Variants in ETS2 observed in about 807,000 individuals in gnomAD.
ETS2 encodes the protein protein C-ets-2.
A neutral mutation model predicts 54.9 loss-of-function variants in ETS2; 19 were observed. The observed-to-expected ratio is 0.35, with a 90% CI of 0.24 to 0.51. The LOEUF is 0.51. Among genes scored for constraint, ETS2 ranks in the 20% least tolerant of loss-of-function variants. The probability of loss-of-function intolerance (pLI) is 0.97; values close to 1 mark genes in which losing one functional copy is unlikely to be tolerated. For missense variants in ETS2, 417 were observed against 593.0 expected, an observed-to-expected ratio of 0.70 and a Z score of 3.08; for synonymous variants, 219 against 229.3, an observed-to-expected ratio of 0.95 and a Z score of 0.41.
At chr21:38,822,002 A>G (rs1477007927) in intron 9 of ETS2, among the ~76,000 whole-genome samples, 1 of 152,174 alleles carries the variant, frequency 6.6e-6, no homozygotes, top group South Asian at 2.1e-4. Context: ...ACCATCTGAA[A>G]ATGCCTTAGG....
chr21:38,805,626 G>A, upstream of ETS2: 1 of 1,241,990 alleles, frequency 8.1e-7, no homozygotes, highest in Non-Finnish European at 1.0e-6. The surrounding 1 kb of genome is among the most constrained non-coding windows in gnomAD (Gnocchi z 5.2). Context: ...GGTTGGGCCG[G>A]AAGGTGTCAG....
At position 38,806,455 on chromosome 21, in the gene ETS2, C is replaced by T. The variant is rs994338512; in HGVS notation, c.-1+335C>T. On this transcript the variant is annotated intron_variant, in intron 1 of 9. Transcript: ENST00000360938. This position sits in a 1 kb window ranked among gnomAD's most constrained non-coding sequence, Gnocchi z 4.3. ...GCTCGCTTTTGTTTTTAAAAGGAAA[C>T]GCAGGCCTGGTAGGGGGTCCTGCCC... The T allele has an allele frequency of 5.3e-5, 52 of 985,356 alleles. No individual in the cohort carries two copies. Among genetic ancestry groups the T allele is most frequent in the Non-Finnish European group, 5.9e-5 (49 of 830,072 alleles). 61.0% of individuals were successfully genotyped at this position (985,356 alleles called of 1,614,324 possible).
At chr21:38,813,156 C>CTT in intron 3 of ETS2, 42 bp downstream of exon 3, 1 of 1,239,928 alleles carries the variant, frequency 8.1e-7, no homozygotes, top group Non-Finnish European at 1.2e-6. Context: ...CATGATTTTC[C>CTT]TAAGTAGTTC....
chr21:38,819,127 C>T lies in ETS2; in HGVS notation c.812-376C>T, dbSNP rs543614461. On this transcript the variant is annotated intron_variant, in intron 7 of 9. Coordinates refer to ENST00000360938, the MANE Select transcript of ETS2 (RefSeq NM_005239.6). ...GGAACGATTCTGACTTTTATCATTA[C>T]GGATTAGGTTTTGATTTTCTTGAAC... Among the ~76,000 whole-genome samples, 40 of 152,252 alleles carry T rather than the reference C, an allele frequency of 2.6e-4. No individual in the cohort carries two copies. In the South Asian group the frequency reaches 5.8e-3, roughly 22 times the overall value.
upstream of ETS2, chr21:38,805,575 G>C (rs368186095): frequency 3.1e-6 from 4 of 1,278,092 alleles, no homozygotes; most frequent in South Asian, 1.2e-5. This position sits in a 1 kb window ranked among gnomAD's most constrained non-coding sequence, Gnocchi z 5.2. Context: ...AGGGCCAGCC[G>C]GCGAGGGACC....
At chr21:38,808,207 C>T (rs1220051286) in intron 1 of ETS2, among the ~76,000 whole-genome samples, 1 of 152,152 alleles carries the variant, frequency 6.6e-6, no homozygotes, top group Non-Finnish European at 1.5e-5. Context: ...GTTGCTGGGC[C>T]TCCGTTGCTT....
chr21:38,821,376 G>A lies in ETS2; in HGVS notation c.1076-210G>A, dbSNP rs554383318. Among the ~76,000 whole-genome samples, 2 of 152,222 alleles carry A rather than the reference G, an allele frequency of 1.3e-5. No homozygotes were observed. The highest frequency in any genetic ancestry group is 4.8e-5 in the African/African-American group (2 of 41,534). ...TCTAGGAGTAGGCAGTGTGGAGCAGGAACTCACATTTGGTGCCCCGCCCCA... is the reference window on the plus strand; with the variant it reads ...TCTAGGAGTAGGCAGTGTGGAGCAGAAACTCACATTTGGTGCCCCGCCCCA... On this transcript the variant is annotated intron_variant, in intron 8 of 9. Coordinates refer to ENST00000360938, the MANE Select transcript of ETS2 (RefSeq NM_005239.6). The surrounding 1 kb of genome is among the most constrained non-coding windows in gnomAD (Gnocchi z 4.2).
rs139455779 is a variant in ETS2 at position 38,822,778 on chromosome 21, G to A, written c.1299G>A (p.Thr433=). 8.1e-6 allele frequency: 13 copies of A among 1,614,090 alleles called. No individual in the cohort carries two copies. Among genetic ancestry groups the A allele is most frequent in the African/African-American group, 4.0e-5 (3 of 74,946 alleles). Residue 433 remains threonine, a synonymous_variant, in exon 10 of 10, where the codon ACG becomes ACA. Coordinates refer to ENST00000360938, the MANE Select transcript of ETS2 (RefSeq NM_005239.6). The part of the protein sequence containing the change: ...YYYDKNIIHK[T]SGKRYVYRFV... The stretch of plus-strand genomic sequence containing the variant: ...ACGACAAGAACATCATCCACAAGAC[G>A]TCGGGGAAGCGCTACGTGTACCGCT...
intron 8 of ETS2, among the ~76,000 whole-genome samples, chr21:38,820,990 C>T (rs112358465): frequency 6.3e-4 from 96 of 152,258 alleles, no homozygotes; most frequent in African/African-American, 1.8e-3. Context: ...GACAGGTGGA[C>T]GAGAAGCTCT....
intron 6 of ETS2, 87 bp downstream of exon 6, chr21:38,817,178 GC>G (rs2123419587): frequency 2.4e-6 from 2 of 846,696 alleles, no homozygotes; most frequent in East Asian, 2.4e-5. Context: ...CTCCTAAGGG[GC>G]CACCTAGACC....
chr21:38,819,576 C>T lies in ETS2; in HGVS notation c.885C>T (p.Ser295=). 6.2e-7 allele frequency: 1 copy of T among 1,614,212 alleles called. No individual in the cohort carries two copies. ...AGAGCTCAGACTCCCTCCTCCAGTC[C>T]TGGAACAGCCAGTCGTCCTTGCTGG... ...SFESSDSLLQ[S]WNSQSSLLDV... is the part of the protein sequence containing the mutation. The change falls in exon 8 of 10, where the codon TCC becomes TCT. Residue 295 remains serine, a synonymous_variant. Transcript: ENST00000360938.
At position 38,818,748 on chromosome 21, in the gene ETS2, G is replaced by C. The variant is rs114815090; in HGVS notation, c.811+102G>C. 1.7e-4 allele frequency: 226 copies of C among 1,344,542 alleles called. 2 individuals are homozygous for C. In the African/African-American group the frequency reaches 2.8e-3, roughly 17 times the overall value. 83.3% of individuals were successfully genotyped at this position (1,344,542 alleles called of 1,614,324 possible). On this transcript the variant is annotated intron_variant, in intron 7 of 9. Transcript: ENST00000360938. ...AAATACTTCCTGGATTCAGCCATTA[G>C]AGAAGGGGGTCAAAGCCCATGTTCT...
At position 38,806,640 on chromosome 21, in the gene ETS2, C is replaced by T; in HGVS notation, c.-1+520C>T. 1.0e-6 allele frequency: 1 copy of T among 985,234 alleles called. No individual in the cohort carries two copies. The highest frequency in any genetic ancestry group is 1.2e-6 in the Non-Finnish European group (1 of 829,896). The allele number at this position is 985,234 out of a possible 1,614,324, so 61.0% of individuals were successfully genotyped here. A position where few individuals can be genotyped will look rare whatever the true frequency, so the allele number is the denominator to read the frequency against. On this transcript the variant is annotated intron_variant, in intron 1 of 9. Transcript: ENST00000360938. This position sits in a 1 kb window ranked among gnomAD's most constrained non-coding sequence, Gnocchi z 4.3. ...AAGACACCTGAAGGCTGCGGCACCG[C>T]GGGAACCTGCGGGGCGCGGGGTGCC...
chr21:38,805,917 G>T (rs920188286), upstream of ETS2: 44 of 1,245,102 alleles, frequency 3.5e-5, no homozygotes, highest in African/African-American at 4.8e-5. This position sits in a 1 kb window ranked among gnomAD's most constrained non-coding sequence, Gnocchi z 5.2. Flanking sequence ...CGCGCCGCGT[G>T]GGGGACGGCC....
chr21:38,822,564 G>C, intron 9 of ETS2, 110 bp from the exon 10 acceptor site: 1 of 976,142 alleles, frequency 1.0e-6, no homozygotes, highest in Non-Finnish European at 1.5e-6. Flanking sequence ...TAGGTGTCAA[G>C]TTCTCTCTAG....
intron 6 of ETS2, among the ~76,000 whole-genome samples, chr21:38,818,118 G>A (rs1029355680): frequency 3.3e-5 from 5 of 152,138 alleles, no homozygotes; most frequent in African/African-American, 9.7e-5. Flanking sequence ...TACTCTCCTC[G>A]GAAGCTAAAA....
intron 8 of ETS2, among the ~76,000 whole-genome samples, chr21:38,820,869 G>A (rs2060955233): frequency 6.6e-6 from 1 of 152,218 alleles, no homozygotes; most frequent in South Asian, 2.1e-4. Context: ...TGATGGGCGT[G>A]TGATCCAGGA....
At chr21:38,805,911 C>A, upstream of ETS2, 1 of 1,239,064 alleles carries the variant, frequency 8.1e-7, no homozygotes, top group Non-Finnish European at 1.0e-6. The surrounding 1 kb of genome is among the most constrained non-coding windows in gnomAD (Gnocchi z 5.2). Context: ...GAAGAGCGCG[C>A]CGCGTGGGGG....
chr21:38,818,124 T>C (rs1339407514), intron 6 of ETS2, among the ~76,000 whole-genome samples: 1 of 152,110 alleles, frequency 6.6e-6, no homozygotes, highest in Non-Finnish European at 1.5e-5. Flanking sequence ...CCTCGGAAGC[T>C]AAAAGAGCCA....
Sources: gnomAD v4.1 joint callset for allele counts (sites outside exome capture counted in the v4.1 genomes callset) on GRCh38, gnomAD v4.1.1 for gene constraint, Gnocchi (gnomAD v3.1) non-coding constraint, MANE v1.5 for transcripts, NCBI Gene and HGNC (gene_info 2026-07-23, HGNC 2026-07-21) for gene names.